CFAP61: variants seen among roughly 807,000 people sequenced by gnomAD.
CFAP61 encodes the protein cilia- and flagella-associated protein 61.
CFAP61 carries 107 observed loss-of-function variants against 135.6 expected under a neutral mutation model. That is an observed-to-expected ratio of 0.79 (90% CI 0.67 to 0.93). CFAP61 has a LOEUF of 0.93. CFAP61 is among the 40% of genes least tolerant of loss of function. The probability of loss-of-function intolerance (pLI) is 0.00; values close to 1 mark genes in which losing one functional copy is unlikely to be tolerated. For synonymous variants in CFAP61, 575 were observed against 578.5 expected (o/e 0.99, Z 0.09); for missense variants, 1,507 against 1,556.2 (o/e 0.97, Z 0.53).
At chr20:20,353,911 T>C (rs1365506551) in intron 26 of CFAP61, among the ~76,000 whole-genome samples, 1 of 152,236 alleles carries the variant, frequency 6.6e-6, no homozygotes, top group Non-Finnish European at 1.5e-5. Context: ...GAAAACAGTA[T>C]GGAGGTTCCT....
intron 8 of CFAP61, among the ~76,000 whole-genome samples, chr20:20,138,051 G>GTGGCTC (rs1317830424): frequency 2.0e-5 from 3 of 152,120 alleles, no homozygotes. Context: ...TGTCATCCAG[G>GTGGCTC]AGCCAGGGCC....
At chr20:20,177,839 AG>A (rs2054754584) in intron 13 of CFAP61, among the ~76,000 whole-genome samples, 1 of 151,770 alleles carries the variant, frequency 6.6e-6, no homozygotes, top group East Asian at 1.9e-4. Context: ...GGTGACAGGA[AG>A]GGTGGCCATG....
At chr20:20,323,981 G>A (rs2057652919) in intron 25 of CFAP61, among the ~76,000 whole-genome samples, 4 of 152,006 alleles carry the variant, frequency 2.6e-5, no homozygotes, top group African/African-American at 7.3e-5. Flanking sequence ...CCATACCAAC[G>A]TGCCTTACTT....
intron 25 of CFAP61, among the ~76,000 whole-genome samples, chr20:20,337,036 C>A (rs914272161): frequency 6.6e-6 from 1 of 152,218 alleles, no homozygotes. Flanking sequence ...CTTCTCCTTC[C>A]TTGCAACCGT....
intron 13 of CFAP61, among the ~76,000 whole-genome samples, chr20:20,179,359 AAC>A (rs1439061079): frequency 6.6e-6 from 1 of 152,214 alleles, no homozygotes; most frequent in Admixed American, 6.5e-5. Context: ...AGAACTACAA[AAC>A]ACTGCTCAAA....
intron 21 of CFAP61, among the ~76,000 whole-genome samples, chr20:20,271,458 G>A (rs2053344216): frequency 6.6e-6 from 1 of 152,246 alleles, no homozygotes; most frequent in South Asian, 2.1e-4. Context: ...GGCTGTTGAC[G>A]CTGACACCCT....
chr20:20,063,113 A>C (rs1215138954), intron 2 of CFAP61, among the ~76,000 whole-genome samples: 1 of 152,222 alleles, frequency 6.6e-6, no homozygotes, highest in African/African-American at 2.4e-5. Flanking sequence ...CCGCCAATAA[A>C]ATGGTCGGCA....
intron 17 of CFAP61, among the ~76,000 whole-genome samples, chr20:20,201,936 G>A (rs181175988): frequency 2.4e-3 from 365 of 152,282 alleles, no homozygotes; most frequent in African/African-American, 7.5e-3. Context: ...AGGAAGCATC[G>A]TTTTTATGAA....
intron 22 of CFAP61, among the ~76,000 whole-genome samples, chr20:20,287,401 T>C (rs1225106834): frequency 6.6e-6 from 1 of 152,244 alleles, no homozygotes; most frequent in African/African-American, 2.4e-5. Context: ...TGGCAGCCAG[T>C]AGCCACCTAT....
chr20:20,331,196 G>A (rs1051819334), intron 25 of CFAP61, among the ~76,000 whole-genome samples: 8 of 152,004 alleles, frequency 5.3e-5, no homozygotes, highest in Middle Eastern at 3.2e-3. Flanking sequence ...CTTCTCCTCC[G>A]TTTATTTACT....
At chr20:20,269,062 C>CTTA (rs1332287874) in intron 21 of CFAP61, among the ~76,000 whole-genome samples, 3 of 147,420 alleles carry the variant, frequency 2.0e-5, no homozygotes, top group Non-Finnish European at 3.0e-5. Flanking sequence ...GCATAGAAAT[C>CTTA]TTATGCTTTG....
At chr20:20,202,995 A>G (rs998730254) in intron 17 of CFAP61, among the ~76,000 whole-genome samples, 2 of 151,508 alleles carry the variant, frequency 1.3e-5, no homozygotes, top group African/African-American at 4.9e-5. Context: ...GTAGGTTGCC[A>G]ATTTGAATCT....
intron 22 of CFAP61, among the ~76,000 whole-genome samples, chr20:20,285,815 G>T (rs1024054462): frequency 2.1e-4 from 32 of 151,722 alleles, no homozygotes; most frequent in Admixed American, 6.6e-5. Context: ...AGCTACATGG[G>T]GGGGCTGAGG....
chr20:20,358,455 T>C (rs1384344437), intron 26 of CFAP61, among the ~76,000 whole-genome samples: 1 of 152,194 alleles, frequency 6.6e-6, no homozygotes, highest in East Asian at 1.9e-4. Flanking sequence ...CTCAAAATCT[T>C]GTATAATTTT....
intron 25 of CFAP61, among the ~76,000 whole-genome samples, chr20:20,312,699 A>G (rs1292555245): frequency 1.3e-5 from 2 of 152,216 alleles, no homozygotes; most frequent in Non-Finnish European, 2.9e-5. Flanking sequence ...TAAAAGCAAC[A>G]AAAGACACGG....
chr20:20,274,454 A>G (rs182250062), intron 21 of CFAP61, among the ~76,000 whole-genome samples: 2 of 152,208 alleles, frequency 1.3e-5, no homozygotes, highest in Non-Finnish European at 2.9e-5. Context: ...TGAGGTCAAG[A>G]GTTCAAGACC....
chr20:20,251,369 G>A (rs2050887869), intron 19 of CFAP61, among the ~76,000 whole-genome samples: 1 of 140,822 alleles, frequency 7.1e-6, no homozygotes, highest in Non-Finnish European at 1.6e-5. Flanking sequence ...CACCCTCCCA[G>A]TTGTGGGCTG....
At chr20:20,224,539 G>C (rs2048599002) in intron 17 of CFAP61, among the ~76,000 whole-genome samples, 1 of 152,026 alleles carries the variant, frequency 6.6e-6, no homozygotes, top group Non-Finnish European at 1.5e-5. Flanking sequence ...CATGCTGTAT[G>C]GTTTGTTTTA....
At position 20,187,940 on chromosome 20, in the gene CFAP61, A is replaced by G. The variant is rs2055632956; in HGVS notation, c.1396A>G (p.Ile466Val). 1 of 1,613,156 alleles carries G rather than the reference A, an allele frequency of 6.2e-7. No individual in the cohort carries two copies. Among genetic ancestry groups the G allele is most frequent in the Non-Finnish European group, 8.5e-7 (1 of 1,179,082 alleles). Reference protein sequence around the residue: ...HRAGLLKSINIRFATLLDTPG... With the variant: ...HRAGLLKSINVRFATLLDTPG... ...CCTCTCCTTACCCAGGTCCATTAAT[A>G]TAAGATTTGCCACTCTCTTGGATAC... Residue 466 changes from isoleucine to valine, a missense_variant, in exon 14 of 27, where the codon ATA becomes GTA. By Grantham distance (29) the Ile-to-Val change is conservative (BLOSUM62 3). Transcript: ENST00000245957.
Sources: gnomAD v4.1 joint callset for allele counts (sites outside exome capture counted in the v4.1 genomes callset) on GRCh38, gnomAD v4.1.1 for gene constraint, MANE v1.5 for transcripts, NCBI Gene and HGNC (gene_info 2026-07-23, HGNC 2026-07-21) for gene names.